Variants in FAM20A observed in about 807,000 individuals in gnomAD.
The protein encoded by FAM20A is pseudokinase FAM20A.
Under a neutral mutation model 52.0 loss-of-function variants are expected in FAM20A, and 42 were observed. The ratio of observed to expected loss-of-function variants is 0.81; its 90% CI spans 0.63 to 1.04. The LOEUF (loss-of-function observed/expected upper bound fraction) is 1.04. Among genes scored for constraint, FAM20A ranks in the 50% least tolerant of loss-of-function variants. FAM20A has a pLI of 0.00. For missense variants in FAM20A, 742 were observed against 712.7 expected (o/e 1.04, Z -0.47); for synonymous variants, 304 against 298.9 (o/e 1.02, Z -0.18).
At chr17:68,545,457 A>C (rs535299111) in intron 4 of FAM20A, among the ~76,000 whole-genome samples, 17 of 152,236 alleles carry the variant, frequency 1.1e-4, no homozygotes, top group Non-Finnish European at 2.4e-4. Flanking sequence ...TAAATATGCA[A>C]TAGCATTATG....
chr17:68,539,834 G>C (rs1378536079), intron 9 of FAM20A, 51 bp downstream of exon 9: 2 of 1,571,982 alleles, frequency 1.3e-6, no homozygotes, highest in South Asian at 1.1e-5. Flanking sequence ...TGGCTGCACA[G>C]AGCAGCACAT....
intron 4 of FAM20A, chr17:68,551,011 G>A: frequency 1.7e-6 from 2 of 1,177,232 alleles, no homozygotes; most frequent in Non-Finnish European, 2.1e-6. Context: ...TATTCCACTG[G>A]AAGAAGCACA....
chr17:68,552,932 C>T lies in FAM20A; in HGVS notation c.641-981G>A, dbSNP rs958413413. 6.5e-5 allele frequency among the ~76,000 whole-genome samples: 7 copies of T among 107,184 alleles called. 2 individuals are homozygous for T. The highest frequency in any genetic ancestry group is 1.7e-4 in the Admixed American group (2 of 11,586). 70.3% of individuals were successfully genotyped at this position (107,184 alleles called of 152,430 possible). On this transcript the variant is annotated intron_variant, in intron 3 of 10. Transcript: ENST00000592554. ...TCCTGACCTCATGATCCACCCGCCTCGGCCTCCCAAAGTGCTGGGATTACA... is the reference window on the plus strand; with the variant it reads ...TCCTGACCTCATGATCCACCCGCCTTGGCCTCCCAAAGTGCTGGGATTACA...
Position 68,537,517 on chromosome 17 carries a change from T to C in FAM20A, c.1586A>G (p.Gln529Arg). The change falls in exon 11 of 11, where the codon CAG becomes CGG. Residue 529 changes from glutamine to arginine, a missense_variant. Coordinates refer to ENST00000592554, the MANE Select transcript of FAM20A (RefSeq NM_017565.4). This position sits in a 1 kb window ranked among gnomAD's most constrained non-coding sequence, Gnocchi z 4.2. ...QSVIVDGPVE[Q>R]LAPDSGQANL... ...AGCCTGGCCAGAGTCTGGGGCCAAC[T>C]GTTCCACTGGGCCGTCGACTATGAC... 1 of 1,613,922 alleles carries C rather than the reference T, an allele frequency of 6.2e-7. No individual in the cohort carries two copies. The highest frequency in any genetic ancestry group is 8.5e-7 in the Non-Finnish European group (1 of 1,179,948).
Position 68,587,025 on chromosome 17 carries a change from G to A in FAM20A, c.404+13238C>T, listed in dbSNP as rs184422289. Reference sequence around the variant, plus strand: ...CCTGCCTCAGCCTCCCGAGTAGCTGGGACTACAGGTGCCCACTACCATGCC... The same window carrying A: ...CCTGCCTCAGCCTCCCGAGTAGCTGAGACTACAGGTGCCCACTACCATGCC... On this transcript the variant is annotated intron_variant, in intron 1 of 10. Coordinates refer to ENST00000592554, the MANE Select transcript of FAM20A (RefSeq NM_017565.4). Among the ~76,000 whole-genome samples, 269 of 152,216 alleles carry A rather than the reference G, an allele frequency of 1.8e-3. 1 individual carries two copies. Among genetic ancestry groups the A allele is most frequent in the Middle Eastern group, 3.4e-3 (1 of 294 alleles).
rs908127396 is a variant in FAM20A at position 68,584,317 on chromosome 17, AAAAACAAAACAAAAC to A, written c.404+15931_404+15945del. On this transcript the variant is annotated intron_variant, in intron 1 of 10. Coordinates refer to ENST00000592554, the MANE Select transcript of FAM20A (RefSeq NM_017565.4). ...GGGTGGCAGAGTGAGACTCCATCTC[AAAAACAAAACAAAAC>A]AAAACAAAACAAAACAAAAAAAAAA... 1.3e-3 allele frequency among the ~76,000 whole-genome samples: 155 copies of A among 123,034 alleles called. 4 individuals are homozygous for A. The highest frequency in any genetic ancestry group is 0.012 in the East Asian group (43 of 3,724). 80.7% of individuals were successfully genotyped at this position (123,034 alleles called of 152,430 possible). A position where few individuals can be genotyped will look rare whatever the true frequency, so the allele number is the denominator to read the frequency against.
chr17:68,541,036 C>T, intron 7 of FAM20A, 78 bp from the exon 8 acceptor site: 2 of 1,540,142 alleles, frequency 1.3e-6, no homozygotes, highest in Non-Finnish European at 8.8e-7. Flanking sequence ...CCTCCCCCTG[C>T]CCCCCCAATC....
chr17:68,558,023 G>T (rs948802751), intron 1 of FAM20A, among the ~76,000 whole-genome samples: 1 of 152,144 alleles, frequency 6.6e-6, no homozygotes, highest in Admixed American at 6.5e-5. Context: ...ATGAGCCCTT[G>T]AAAGTAAAGT....
Position 68,585,144 on chromosome 17 carries a change from G to A in FAM20A, c.404+15119C>T, listed in dbSNP as rs142995596. Among the ~76,000 whole-genome samples, 6 of 152,292 alleles carry A rather than the reference G, an allele frequency of 3.9e-5. No homozygotes were observed. In the East Asian group the frequency reaches 7.7e-4, roughly 20 times the overall value. ...GCAGATTCAAAGGTATTGTCTGAAG[G>A]GAATCTAGGCTGGCCCTTAGACCTG... On this transcript the variant is annotated intron_variant, in intron 1 of 10. Transcript: ENST00000592554.
intron 1 of FAM20A, among the ~76,000 whole-genome samples, chr17:68,559,266 C>T (rs949821010): frequency 6.6e-6 from 1 of 152,112 alleles, no homozygotes; most frequent in African/African-American, 2.4e-5. Context: ...TAAAAATAAC[C>T]CTAAGTAATA....
chr17:68,571,028 C>G (rs763397960), intron 1 of FAM20A, among the ~76,000 whole-genome samples: 24 of 152,188 alleles, frequency 1.6e-4, no homozygotes, highest in Non-Finnish European at 2.5e-4. Context: ...CCAGTCCCAT[C>G]ACCTGGGTTA....
intron 3 of FAM20A, among the ~76,000 whole-genome samples, chr17:68,553,340 C>T (rs2086931401): frequency 6.6e-6 from 1 of 152,172 alleles, no homozygotes; most frequent in East Asian, 1.9e-4. Context: ...AACCTCTTTC[C>T]TTTATAAATT....
chr17:68,541,608 G>A (rs2086297347), intron 7 of FAM20A: 2 of 198,652 alleles, frequency 1.0e-5, no homozygotes, highest in East Asian at 1.3e-4. Context: ...GGGCTTGCTC[G>A]GGAACCAGGT....
chr17:68,563,905 G>T (rs2143760476), intron 1 of FAM20A, among the ~76,000 whole-genome samples: 1 of 152,252 alleles, frequency 6.6e-6, no homozygotes, highest in East Asian at 1.9e-4. Flanking sequence ...CAAACACAGG[G>T]CTCTGTTTTG....
chr17:68,573,364 T>G (rs991419276), intron 1 of FAM20A, among the ~76,000 whole-genome samples: 1 of 152,242 alleles, frequency 6.6e-6, no homozygotes, highest in African/African-American at 2.4e-5. Flanking sequence ...TTTTGTTGCT[T>G]TATAACAAAA....
intron 1 of FAM20A, among the ~76,000 whole-genome samples, chr17:68,575,518 T>TATATTATATATTATAG (rs1395380931): frequency 1.9e-5 from 2 of 102,664 alleles, no homozygotes; most frequent in African/African-American, 7.6e-5. Context: ...ATATATTTTA[T>TATATTATATATTATAG]ATATTATATA....
chr17:68,594,386 G>A (rs1305015627), intron 1 of FAM20A, among the ~76,000 whole-genome samples: 10 of 148,300 alleles, frequency 6.7e-5, no homozygotes, highest in South Asian at 2.1e-4. Context: ...GCGACAGAGC[G>A]AGACTCCGTC....
chr17:68,555,758 T>G lies in FAM20A; in HGVS notation c.405-15A>C. 1.9e-6 allele frequency: 3 copies of G among 1,614,052 alleles called. No homozygotes were observed. The highest frequency in any genetic ancestry group is 2.5e-6 in the Non-Finnish European group (3 of 1,180,012). On this transcript the variant is annotated splice_polypyrimidine_tract_variant and intron_variant, in intron 1 of 10. Transcript: ENST00000592554. ...TCTTGTGTCGCCTGAAAGAGCCAGA[T>G]AGTTGTTCATTAGAGGAACAAGAAT...
At chr17:68,560,417 T>C (rs1156882310) in intron 1 of FAM20A, among the ~76,000 whole-genome samples, 2 of 151,904 alleles carry the variant, frequency 1.3e-5, no homozygotes, top group African/African-American at 4.8e-5. Flanking sequence ...AGGCTTCATC[T>C]ATGAACCGGA....
Sources: allele counts gnomAD v4.1 joint callset (sites outside exome capture counted in the v4.1 genomes callset), GRCh38; gene constraint gnomAD v4.1.1; non-coding constraint Gnocchi (gnomAD v3.1); transcripts MANE v1.5; gene names NCBI Gene and HGNC (gene_info 2026-07-23, HGNC 2026-07-21).